SLC12A1: variants seen among roughly 807,000 people sequenced by gnomAD.
SLC12A1 encodes the protein solute carrier family 12 member 1.
Under a neutral mutation model 130.4 loss-of-function variants are expected in SLC12A1, and 89 were observed. The ratio of observed to expected loss-of-function variants is 0.68; its 90% CI spans 0.58 to 0.81. The LOEUF (loss-of-function observed/expected upper bound fraction) is 0.81. SLC12A1 is among the 40% of genes least tolerant of loss of function. SLC12A1 has a pLI of 0.00. For missense variants in SLC12A1, 1,310 were observed against 1,336.4 expected (o/e 0.98, Z 0.31); for synonymous variants, 499 against 460.0 (o/e 1.08, Z -1.09).
intron 7 of SLC12A1, among the ~76,000 whole-genome samples, chr15:48,231,063 TG>T (rs1054209208): frequency 2.6e-5 from 4 of 152,206 alleles, no homozygotes; most frequent in African/African-American, 9.6e-5. Context: ...CTCAAGTGAC[TG>T]GTGCAATTGA....
intron 2 of SLC12A1, 130 bp from the exon 3 acceptor site, chr15:48,220,504 A>C: frequency 1.1e-6 from 1 of 898,300 alleles, no homozygotes; most frequent in Non-Finnish European, 1.6e-6. Context: ...AAATTCTCAG[A>C]ATATATTTAG....
chr15:48,244,815 T>C lies in SLC12A1; in HGVS notation c.1363T>C (p.Cys455Arg). Residue 455 changes from cysteine (C) to arginine (R), a missense_variant, in exon 11 of 27, where the codon TGC becomes CGC. Coordinates refer to ENST00000380993, the MANE Select transcript of SLC12A1 (RefSeq NM_000338.3). ...TGACACCATCATTTCTGGGATGAACTGCAATGGTTCAGCAGCATGTGGGTT... is the reference window on the plus strand; with the variant it reads ...TGACACCATCATTTCTGGGATGAACCGCAATGGTTCAGCAGCATGTGGGTT... ...MNDTIISGMNCNGSAACGLGY... is the reference protein window; with the variant it reads ...MNDTIISGMNRNGSAACGLGY... 6.2e-7 allele frequency: 1 copy of C among 1,613,952 alleles called. No individual in the cohort carries two copies. The highest frequency in any genetic ancestry group is 8.5e-7 in the Non-Finnish European group (1 of 1,179,838).
intron 2 of SLC12A1, among the ~76,000 whole-genome samples, chr15:48,218,430 C>T (rs2041154252): frequency 6.6e-6 from 1 of 152,024 alleles, no homozygotes; most frequent in Non-Finnish European, 1.5e-5. Context: ...AAGAAGAAGA[C>T]AAGAAGTCAA....
At chr15:48,225,526 A>G (rs2041273664) in intron 4 of SLC12A1, 1 of 152,204 alleles carries the variant, frequency 6.6e-6, no homozygotes, top group East Asian at 1.9e-4. Context: ...CAGGAGTTTG[A>G]GACCAGCCTG....
chr15:48,251,797 G>A (rs368454499), intron 15 of SLC12A1, 27 bp downstream of exon 15: 65 of 1,604,310 alleles, frequency 4.1e-5, no homozygotes, highest in South Asian at 8.9e-5. Flanking sequence ...CTGGAATAGC[G>A]TTTCCAAATC....
chr15:48,269,817 A>C (rs1428854152), intron 19 of SLC12A1, 53 bp downstream of exon 19: 18 of 976,266 alleles, frequency 1.8e-5, no homozygotes, highest in Non-Finnish European at 2.5e-5. Flanking sequence ...TAAGCAGGGC[A>C]GTACATAACT....
chr15:48,214,798 T>C (rs947252308), intron 2 of SLC12A1, among the ~76,000 whole-genome samples: 5 of 152,166 alleles, frequency 3.3e-5, no homozygotes, highest in East Asian at 1.9e-4. Context: ...TTTGGCCATA[T>C]GTTGATCATT....
chr15:48,207,006 T>C (rs2040990267), intron 1 of SLC12A1, among the ~76,000 whole-genome samples: 1 of 152,182 alleles, frequency 6.6e-6, no homozygotes, highest in Non-Finnish European at 1.5e-5. Flanking sequence ...AACATAATTT[T>C]TTACTTGTTG....
chr15:48,214,922 G>C (rs1567302993), intron 2 of SLC12A1, among the ~76,000 whole-genome samples: 1 of 150,730 alleles, frequency 6.6e-6, no homozygotes, highest in Non-Finnish European at 1.5e-5. Flanking sequence ...GGATCATCTA[G>C]GTGTGAATAT....
intron 21 of SLC12A1, 78 bp from the exon 22 acceptor site, chr15:48,287,965 A>G (rs2141114495): frequency 1.4e-6 from 2 of 1,456,718 alleles, no homozygotes; most frequent in Non-Finnish European, 1.8e-6. Flanking sequence ...CTCTATTTTC[A>G]TCACTAGATT....
Position 48,267,829 on chromosome 15 carries a change from G to A in SLC12A1, c.2295+128G>A, listed in dbSNP as rs771555157. ...CAGAGATCAGTGCAGATGGTTAAGG[G>A]ATTATTTTGAATTCCTGGGTATAGG... is the stretch of plus-strand genomic sequence containing the variant. On this transcript the variant is annotated intron_variant, in intron 18 of 26. Coordinates refer to ENST00000380993, the MANE Select transcript of SLC12A1 (RefSeq NM_000338.3). 3.2e-4 allele frequency: 308 copies of A among 971,878 alleles called. 1 individual carries two copies. The highest frequency in any genetic ancestry group is 1.1e-4 in the Admixed American group (5 of 43,838). The allele number at this position is 971,878 out of a possible 1,614,324, so 60.2% of individuals were successfully genotyped here.
At chr15:48,210,768 C>T (rs1302414959) in intron 2 of SLC12A1, among the ~76,000 whole-genome samples, 2 of 150,218 alleles carry the variant, frequency 1.3e-5, no homozygotes, top group African/African-American at 4.9e-5. Context: ...GAGACTGAGG[C>T]AGGAGAATTG....
intron 6 of SLC12A1, among the ~76,000 whole-genome samples, chr15:48,229,804 G>A (rs1393747541): frequency 2.0e-5 from 3 of 152,174 alleles, no homozygotes; most frequent in East Asian, 1.9e-4. Context: ...CTAGGATGTC[G>A]CATGTGCAAG....
intron 24 of SLC12A1, among the ~76,000 whole-genome samples, chr15:48,292,354 A>G (rs1465598851): frequency 4.6e-5 from 7 of 152,324 alleles, no homozygotes; most frequent in East Asian, 1.9e-4. Flanking sequence ...GGGAAGGCCT[A>G]TGAATTTTGG....
chr15:48,243,685 G>T (rs557167486), intron 10 of SLC12A1, among the ~76,000 whole-genome samples: 24 of 152,182 alleles, frequency 1.6e-4, no homozygotes, highest in African/African-American at 5.8e-4. Flanking sequence ...AACAAAAAGA[G>T]TCTATAATTT....
At position 48,249,655 on chromosome 15, in the gene SLC12A1, G is replaced by A; in HGVS notation, c.1765G>A (p.Ala589Thr). ...YALINFSCFH[A>T]SYAKSPGWRP... ...ACTTATTAATTTCTCCTGCTTCCAT[G>A]CCTCTTATGCCAAATCTCCAGGTAA... The change falls in exon 14 of 27, where the codon GCC (alanine) becomes ACC (threonine). Residue 589 changes from alanine (A) to threonine (T), a missense_variant. By Grantham distance (58) the Ala-to-Thr change is moderately conservative. Transcript: ENST00000380993. 6.2e-7 allele frequency: 1 copy of A among 1,613,248 alleles called. No homozygotes were observed. The highest frequency in any genetic ancestry group is 8.5e-7 in the Non-Finnish European group (1 of 1,179,344).
chr15:48,277,370 G>A (rs569867748), intron 20 of SLC12A1, among the ~76,000 whole-genome samples: 9 of 151,862 alleles, frequency 5.9e-5, no homozygotes, highest in African/African-American at 2.2e-4. Context: ...AGCAAAGGAG[G>A]TGAGGATTGA....
chr15:48,282,266 G>A (rs1036129305), intron 20 of SLC12A1, among the ~76,000 whole-genome samples: 2 of 152,040 alleles, frequency 1.3e-5, no homozygotes, highest in Admixed American at 6.6e-5. Context: ...TAAAGCATTC[G>A]AGCAAAATTT....
intron 12 of SLC12A1, 127 bp from the exon 13 acceptor site, chr15:48,247,210 C>A (rs1014465364): frequency 7.2e-6 from 7 of 976,162 alleles, no homozygotes; most frequent in Admixed American, 2.3e-5. Flanking sequence ...TGATAAACTG[C>A]AGTGTTAACT....
Sources: gnomAD v4.1 joint callset for allele counts (sites outside exome capture counted in the v4.1 genomes callset) on GRCh38, gnomAD v4.1.1 for gene constraint, MANE v1.5 for transcripts, NCBI Gene and HGNC (gene_info 2026-07-23, HGNC 2026-07-21) for gene names.